The following MIB1 variants were observed in gnomAD, a reference collection of about 807,000 sequenced individuals.
MIB1 encodes the protein E3 ubiquitin-protein ligase MIB1.
MIB1 carries 278 observed loss-of-function variants against 124.5 expected under a neutral mutation model. That is an observed-to-expected ratio of 2.23 (90% CI 2.02 to 2.47). The LOEUF (loss-of-function observed/expected upper bound fraction) is 2.47. Ranked by LOEUF, MIB1 falls within the 30% of genes most tolerant of loss-of-function variation. The probability of loss-of-function intolerance (pLI) is 0.00; values close to 1 mark genes in which losing one functional copy is unlikely to be tolerated. For synonymous variants in MIB1, 446 were observed against 429.4 expected, an observed-to-expected ratio of 1.04 and a Z score of -0.48; for missense variants, 957 against 1,254.4, an observed-to-expected ratio of 0.76 and a Z score of 3.58.
chr18:21,813,174 T>A (rs1429119790), intron 10 of MIB1, among the ~76,000 whole-genome samples: 2 of 151,898 alleles, frequency 1.3e-5, no homozygotes, highest in Non-Finnish European at 1.5e-5. Context: ...TGGCCTGATG[T>A]TCCCTTTTTT....
chr18:21,859,217 C>CTG (rs2042252983), intron 20 of MIB1, among the ~76,000 whole-genome samples: 1 of 151,974 alleles, frequency 6.6e-6, no homozygotes, highest in Non-Finnish European at 1.5e-5. Flanking sequence ...CAAGACCAGC[C>CTG]CGCACAACAT....
Position 21,830,898 on chromosome 18 carries a change from C to G in MIB1, c.1830-7467C>G, listed in dbSNP as rs142352277. 46 of 152,078 alleles carry G rather than the reference C, an allele frequency of 3.0e-4. No individual in the cohort carries two copies. The Middle Eastern group carries it at 0.01, about 34-fold the overall frequency. 9.4% of individuals were successfully genotyped at this position (152,078 alleles called of 1,614,324 possible). A position where few individuals can be genotyped will look rare whatever the true frequency, so the allele number is the denominator to read the frequency against. On this transcript the variant is annotated intron_variant, in intron 12 of 20. Coordinates refer to ENST00000261537, the MANE Select transcript of MIB1 (RefSeq NM_020774.4). ...CCAAAAACAAAAACAAAAACAAAAACCACCAACAAAAACAACTCTAAAATT... is the reference window on the plus strand; with the variant it reads ...CCAAAAACAAAAACAAAAACAAAAAGCACCAACAAAAACAACTCTAAAATT...
At chr18:21,755,159 C>G (rs1319730876) in intron 1 of MIB1, among the ~76,000 whole-genome samples, 5 of 152,102 alleles carry the variant, frequency 3.3e-5, no homozygotes, top group Non-Finnish European at 5.9e-5. Flanking sequence ...AACATAGTTA[C>G]AGCAATTTAA....
chr18:21,729,489 TATG>T (rs953573833), intron 1 of MIB1, among the ~76,000 whole-genome samples: 12 of 151,774 alleles, frequency 7.9e-5, no homozygotes, highest in Non-Finnish European at 1.5e-4. Context: ...CCTCTCTTAT[TATG>T]ATAATTATTA....
At chr18:21,844,320 C>T in intron 15 of MIB1, 67 bp downstream of exon 15, 2 of 1,473,022 alleles carry the variant, frequency 1.4e-6, no homozygotes, top group Non-Finnish European at 1.9e-6. Context: ...CTTATATTTA[C>T]TGGTAATCTA....
In MIB1 at chr18:21,869,755, CTGTT is replaced by C. The variant is rs1346304813; in HGVS notation, c.*5092_*5095del. 5 of 151,598 alleles carry C rather than the reference CTGTT, an allele frequency of 3.3e-5. No individual in the cohort carries two copies. The highest frequency in any genetic ancestry group is 4.4e-5 in the Non-Finnish European group (3 of 67,710). The allele number at this position is 151,598 out of a possible 1,614,324, so 9.4% of individuals were successfully genotyped here. ...TGCTATTTTAGTATGAAAGGAGGAT[CTGTT>C]TGGGAAACATAGATTGTCTTCCCCT... On this transcript the variant is annotated 3_prime_UTR_variant, in exon 21 of 21. Coordinates refer to ENST00000261537, the MANE Select transcript of MIB1 (RefSeq NM_020774.4).
chr18:21,819,831 A>T (rs900546257), intron 12 of MIB1, among the ~76,000 whole-genome samples, 185 bp downstream of exon 12: 1 of 152,352 alleles, frequency 6.6e-6, no homozygotes, highest in Admixed American at 6.5e-5. Flanking sequence ...TAATACAAAT[A>T]TTATGAAATG....
intron 11 of MIB1, 78 bp downstream of exon 11, chr18:21,815,891 C>T: frequency 3.9e-6 from 5 of 1,271,036 alleles, no homozygotes; most frequent in Non-Finnish European, 5.6e-6. Flanking sequence ...CTATGGTAAG[C>T]ATTCCTTTGT....
chr18:21,720,491 A>T (rs936570973), intron 1 of MIB1, among the ~76,000 whole-genome samples: 5 of 147,774 alleles, frequency 3.4e-5, no homozygotes, highest in Admixed American at 6.8e-5. Flanking sequence ...TTTTCAAATA[A>T]TTTTTTTTTT....
chr18:21,720,823 T>C (rs1484594020), intron 1 of MIB1, among the ~76,000 whole-genome samples: 1 of 152,074 alleles, frequency 6.6e-6, no homozygotes, highest in Non-Finnish European at 1.5e-5. Context: ...GGCATGGTGG[T>C]GTGCACCTGT....
At chr18:21,714,442 C>T (rs1240095138) in intron 1 of MIB1, among the ~76,000 whole-genome samples, 4 of 152,132 alleles carry the variant, frequency 2.6e-5, no homozygotes, top group African/African-American at 7.2e-5. Flanking sequence ...TTCTGAAAGA[C>T]CCACTCCTGC....
At chr18:21,827,466 C>CT (rs1404037321) in intron 12 of MIB1, 1 of 151,960 alleles carries the variant, frequency 6.6e-6, no homozygotes. Context: ...ACCAATATAA[C>CT]TGTTTATTAT....
At chr18:21,743,192 C>G (rs2040874310) in intron 1 of MIB1, among the ~76,000 whole-genome samples, 1 of 152,182 alleles carries the variant, frequency 6.6e-6, no homozygotes, top group Admixed American at 6.5e-5. Context: ...TTTGTGTAGT[C>G]TTGCAGAATA....
intron 1 of MIB1, among the ~76,000 whole-genome samples, chr18:21,720,777 C>T (rs1202967930): frequency 2.6e-5 from 4 of 151,954 alleles, no homozygotes; most frequent in Admixed American, 6.6e-5. Context: ...AGGGGGACCC[C>T]GTCTCTACAA....
chr18:21,717,222 C>T (rs2146355857), intron 1 of MIB1, among the ~76,000 whole-genome samples: 1 of 152,234 alleles, frequency 6.6e-6, no homozygotes. Context: ...ACCCTCATCT[C>T]TCACCTTATA....
rs749204904 is a variant in MIB1 at position 21,853,208 on chromosome 18, T to C, written c.2655T>C (p.Cys885=). The change falls in exon 18 of 21, where the codon TGT becomes TGC. Residue 885 remains cysteine, a synonymous_variant. Coordinates refer to ENST00000261537, the MANE Select transcript of MIB1 (RefSeq NM_020774.4). ...AVLFQPCGHM[C]ACENCANLMK... ...TTTTTCAACCCTGTGGCCACATGTG[T>C]GCTTGTGAGAGTAAGTAGCCTATGC... The C allele has an allele frequency of 1.9e-6, 3 of 1,609,468 alleles. No homozygotes were observed. The highest frequency in any genetic ancestry group is 1.3e-5 in the African/African-American group (1 of 74,968).
chr18:21,777,157 G>A (rs921715189), intron 4 of MIB1, among the ~76,000 whole-genome samples: 3 of 152,088 alleles, frequency 2.0e-5, no homozygotes, highest in African/African-American at 7.2e-5. Flanking sequence ...GGTGGCTTAT[G>A]CCAGTAATCC....
At chr18:21,714,217 C>G (rs2040678626) in intron 1 of MIB1, among the ~76,000 whole-genome samples, 1 of 152,158 alleles carries the variant, frequency 6.6e-6, no homozygotes, top group African/African-American at 2.4e-5. Flanking sequence ...CCTCCTCCTC[C>G]CTGCCTACGT....
chr18:21,840,651 ATATATATATATATATT>A (rs1468225946), intron 13 of MIB1, among the ~76,000 whole-genome samples: 1,051 of 84,560 alleles, frequency 0.012, 20 homozygotes, highest in African/African-American at 0.079. Context: ...ATATATATAT[ATATATATATATATATT>A]TTTTTTTTTT....
Sources: allele counts gnomAD v4.1 joint callset (sites outside exome capture counted in the v4.1 genomes callset), GRCh38; gene constraint gnomAD v4.1.1; transcripts MANE v1.5; gene names NCBI Gene and HGNC (gene_info 2026-07-23, HGNC 2026-07-21).